PDGFD: variants seen among roughly 807,000 people sequenced by gnomAD.
The protein encoded by PDGFD is platelet-derived growth factor D.
Under a neutral mutation model 44.7 loss-of-function variants are expected in PDGFD, and 30 were observed. The ratio of observed to expected loss-of-function variants is 0.67; its 90% CI spans 0.50 to 0.91. The LOEUF (loss-of-function observed/expected upper bound fraction) is 0.91. Among genes scored for constraint, PDGFD ranks in the 40% least tolerant of loss-of-function variants. The pLI is 0.00. For missense variants in PDGFD, 445 were observed against 457.8 expected, an observed-to-expected ratio of 0.97 and a Z score of 0.25; for synonymous variants, 173 against 168.4, an observed-to-expected ratio of 1.03 and a Z score of -0.21.
chr11:103,927,537 TTTAAA>T (rs1413899160), intron 5 of PDGFD, among the ~76,000 whole-genome samples: 9 of 151,818 alleles, frequency 5.9e-5, no homozygotes, highest in African/African-American at 2.2e-4. Context: ...TTAAATATAA[TTTAAA>T]TTATATCTAG....
intron 6 of PDGFD, among the ~76,000 whole-genome samples, chr11:103,911,854 T>G (rs1323920539): frequency 2.0e-5 from 3 of 151,296 alleles, no homozygotes; most frequent in Non-Finnish European, 4.4e-5. Context: ...AATAGCCAAA[T>G]CGATCAAGCA....
At chr11:103,933,265 A>G (rs1246969352) in intron 5 of PDGFD, among the ~76,000 whole-genome samples, 1 of 152,214 alleles carries the variant, frequency 6.6e-6, no homozygotes, top group African/African-American at 2.4e-5. Flanking sequence ...GCCTTTCTCA[A>G]GGTTCATAAG....
intron 3 of PDGFD, among the ~76,000 whole-genome samples, chr11:103,972,254 TC>T (rs1037065709): frequency 6.6e-6 from 1 of 152,188 alleles, no homozygotes; most frequent in Admixed American, 6.5e-5. Context: ...ATTCCTGTCC[TC>T]CGCCCACCAG....
At chr11:103,948,995 C>CTTTT (rs10606695) in intron 3 of PDGFD, among the ~76,000 whole-genome samples, 2 of 77,044 alleles carry the variant, frequency 2.6e-5, no homozygotes, top group Non-Finnish European at 4.6e-5. Flanking sequence ...ATTTTAGTCA[C>CTTTT]TTTTTTTTTT....
At chr11:103,943,746 C>T (rs1858627879) in intron 4 of PDGFD, 96 bp from the exon 5 acceptor site, 2 of 1,023,206 alleles carry the variant, frequency 2.0e-6, no homozygotes, top group East Asian at 5.2e-5. Flanking sequence ...AAACAGGCTT[C>T]TGAGTATAAG....
At chr11:104,034,922 A>G (rs1218926542) in intron 1 of PDGFD, among the ~76,000 whole-genome samples, 4 of 152,304 alleles carry the variant, frequency 2.6e-5, no homozygotes, top group Admixed American at 6.5e-5. Flanking sequence ...GATTACAGGC[A>G]TGAGCCACCG....
intron 1 of PDGFD, among the ~76,000 whole-genome samples, chr11:104,121,413 A>G (rs573483668): frequency 1.2e-3 from 183 of 152,176 alleles, no homozygotes; most frequent in African/African-American, 4.0e-3. Context: ...ACAGACATTT[A>G]GAACTAGAAA....
intron 1 of PDGFD, chr11:104,038,070 A>G: frequency 6.7e-7 from 1 of 1,497,020 alleles, no homozygotes; most frequent in Non-Finnish European, 9.0e-7. Flanking sequence ...GGCAATTATA[A>G]GTTAAGAGCT....
At chr11:104,130,000 G>GAAAAAA (rs34312271) in intron 1 of PDGFD, among the ~76,000 whole-genome samples, 119 of 128,608 alleles carry the variant, frequency 9.3e-4, no homozygotes, top group African/African-American at 3.0e-3. Context: ...CAAGACCTCT[G>GAAAAAA]AAAAAAAAAA....
intron 1 of PDGFD, among the ~76,000 whole-genome samples, chr11:104,127,812 C>A (rs1042317844): frequency 1.3e-5 from 2 of 152,238 alleles, no homozygotes; most frequent in Non-Finnish European, 1.5e-5. Context: ...ACACCCAGGG[C>A]ATCTCTGAGA....
At chr11:103,949,933 A>C (rs887571634) in intron 3 of PDGFD, among the ~76,000 whole-genome samples, 1 of 152,212 alleles carries the variant, frequency 6.6e-6, no homozygotes, top group African/African-American at 2.4e-5. Flanking sequence ...TGCTTAGACA[A>C]GGTGAGGAAA....
At chr11:103,989,969 A>C (rs756536992) in intron 3 of PDGFD, among the ~76,000 whole-genome samples, 1 of 152,178 alleles carries the variant, frequency 6.6e-6, no homozygotes, top group African/African-American at 2.4e-5. Flanking sequence ...GATAAATAAT[A>C]GTATCTAACC....
chr11:104,019,305 T>A (rs1185397819), intron 1 of PDGFD, among the ~76,000 whole-genome samples: 2 of 152,088 alleles, frequency 1.3e-5, no homozygotes, highest in African/African-American at 4.8e-5. Context: ...GAATCTCAAA[T>A]GTATAAAATG....
At chr11:104,030,853 A>T (rs986985625) in intron 1 of PDGFD, among the ~76,000 whole-genome samples, 2 of 152,140 alleles carry the variant, frequency 1.3e-5, no homozygotes, top group Non-Finnish European at 2.9e-5. Flanking sequence ...AGTATTCTGG[A>T]CAGTCCCATT....
At chr11:103,979,507 T>G (rs569070248) in intron 3 of PDGFD, among the ~76,000 whole-genome samples, 2 of 152,238 alleles carry the variant, frequency 1.3e-5, no homozygotes, top group Admixed American at 1.3e-4. Context: ...ACATTTTATT[T>G]GTATCCCTAG....
intron 1 of PDGFD, among the ~76,000 whole-genome samples, chr11:104,020,001 A>G (rs1040394286): frequency 6.6e-6 from 1 of 152,190 alleles, no homozygotes. Context: ...ACTAAATGTA[A>G]AACAGTCTAC....
chr11:103,912,222 C>A (rs9667293), intron 6 of PDGFD, among the ~76,000 whole-genome samples: 69,592 of 151,928 alleles, frequency 0.46, 16,040 homozygotes, highest in South Asian at 0.49. Context: ...TTAAGGGCAG[C>A]CAGAGAGAAA....
chr11:104,142,724 G>A (rs1033136912), intron 1 of PDGFD, among the ~76,000 whole-genome samples: 6 of 152,072 alleles, frequency 3.9e-5, no homozygotes, highest in Non-Finnish European at 5.9e-5. Context: ...CAAGGGAGAG[G>A]GTTTCCAGGA....
intron 6 of PDGFD, among the ~76,000 whole-genome samples, chr11:103,919,150 T>C (rs1343371620): frequency 6.6e-6 from 1 of 152,230 alleles, no homozygotes; most frequent in African/African-American, 2.4e-5. Context: ...ACTTGACGTC[T>C]ACTAAATGGA....
Sources: gnomAD v4.1 joint callset for allele counts (sites outside exome capture counted in the v4.1 genomes callset) on GRCh38, gnomAD v4.1.1 for gene constraint, MANE v1.5 for transcripts, NCBI Gene and HGNC (gene_info 2026-07-23, HGNC 2026-07-21) for gene names.